Variants in SUCLA2 observed in about 807,000 individuals in gnomAD.
The protein encoded by SUCLA2 is succinate-CoA ligase ADP-forming subunit beta, also known as succinate--CoA ligase [ADP-forming] subunit beta, mitochondrial.
SUCLA2 carries 30 observed loss-of-function variants against 54.8 expected under a neutral mutation model. That is an observed-to-expected ratio of 0.55 (90% CI 0.41 to 0.74). SUCLA2 has a LOEUF of 0.74. SUCLA2 is among the 30% of genes least tolerant of loss of function. The probability of loss-of-function intolerance (pLI) is 0.00; values close to 1 mark genes in which losing one functional copy is unlikely to be tolerated. For synonymous variants in SUCLA2, 172 were observed against 188.9 expected (o/e 0.91, Z 0.74); for missense variants, 476 against 562.9 (o/e 0.85, Z 1.56).
chr13:47,967,078 C>T (rs1243663844), intron 6 of SUCLA2, among the ~76,000 whole-genome samples: 2 of 152,068 alleles, frequency 1.3e-5, no homozygotes, highest in African/African-American at 2.4e-5. Flanking sequence ...TTTGTGTTTA[C>T]AGATCATTAT....
At chr13:47,974,092 A>C (rs1949989610) in intron 4 of SUCLA2, among the ~76,000 whole-genome samples, 4 of 152,090 alleles carry the variant, frequency 2.6e-5, no homozygotes. Context: ...TATAATTAAA[A>C]AAAAAAAGAA....
At chr13:47,965,082 A>G (rs1483092425) in intron 6 of SUCLA2, among the ~76,000 whole-genome samples, 1 of 152,004 alleles carries the variant, frequency 6.6e-6, no homozygotes. Flanking sequence ...ATTAAAATGG[A>G]TAACTCATTG....
chr13:47,968,049 A>C (rs1333882342), intron 6 of SUCLA2, among the ~76,000 whole-genome samples: 1 of 152,204 alleles, frequency 6.6e-6, no homozygotes, highest in Non-Finnish European at 1.5e-5. Context: ...TAAGTGAATA[A>C]AGAAAGATGC....
At chr13:47,981,808 G>A (rs1169305261) in intron 4 of SUCLA2, among the ~76,000 whole-genome samples, 2 of 152,070 alleles carry the variant, frequency 1.3e-5, no homozygotes, top group Admixed American at 6.5e-5. Context: ...ACGAGACTCC[G>A]TCTCAAAAAA....
At chr13:47,978,121 C>T (rs1487599589) in intron 4 of SUCLA2, among the ~76,000 whole-genome samples, 1 of 152,066 alleles carries the variant, frequency 6.6e-6, no homozygotes, top group Non-Finnish European at 1.5e-5. Context: ...AATGGTATCC[C>T]ATCAAGCTAC....
intron 1 of SUCLA2, among the ~76,000 whole-genome samples, chr13:48,000,719 G>A (rs995916499): frequency 2.0e-5 from 3 of 152,126 alleles, no homozygotes; most frequent in African/African-American, 7.2e-5. Flanking sequence ...CCCACAAAAG[G>A]CAAGTCAGTA....
intron 6 of SUCLA2, among the ~76,000 whole-genome samples, chr13:47,954,884 C>T (rs1253759057): frequency 6.6e-6 from 1 of 152,020 alleles, no homozygotes; most frequent in African/African-American, 2.4e-5. Context: ...CACTTGGGCC[C>T]CATATCCCAT....
At chr13:47,966,746 T>G (rs1229569016) in intron 6 of SUCLA2, among the ~76,000 whole-genome samples, 1 of 150,448 alleles carries the variant, frequency 6.6e-6, no homozygotes, top group Non-Finnish European at 1.5e-5. Flanking sequence ...CTGGGTGTGA[T>G]GGCTCACACC....
intron 4 of SUCLA2, among the ~76,000 whole-genome samples, chr13:47,978,746 A>T (rs1950037435): frequency 6.6e-6 from 1 of 152,242 alleles, no homozygotes; most frequent in African/African-American, 2.4e-5. Flanking sequence ...ACAGAATGGG[A>T]GAAAATTTTT....
At chr13:47,973,912 G>A (rs1363089098) in intron 4 of SUCLA2, among the ~76,000 whole-genome samples, 2 of 152,110 alleles carry the variant, frequency 1.3e-5, no homozygotes, top group East Asian at 3.9e-4. Flanking sequence ...ACACAGGGAG[G>A]GGAACATCAC....
At chr13:47,950,931 AC>A (rs1245379610) in intron 8 of SUCLA2, among the ~76,000 whole-genome samples, 1 of 152,112 alleles carries the variant, frequency 6.6e-6, no homozygotes, top group Non-Finnish European at 1.5e-5. Flanking sequence ...TCTTTACCTT[AC>A]CACTATTATT....
chr13:47,977,985 A>G (rs1187793699), intron 4 of SUCLA2, among the ~76,000 whole-genome samples: 1 of 152,334 alleles, frequency 6.6e-6, no homozygotes, highest in African/African-American at 2.4e-5. Context: ...TTCAAAGAGA[A>G]CTATAAACCA....
At chr13:47,951,676 A>G (rs1407950134) in intron 8 of SUCLA2, among the ~76,000 whole-genome samples, 2 of 152,174 alleles carry the variant, frequency 1.3e-5, no homozygotes, top group Non-Finnish European at 2.9e-5. Context: ...TAAGCCTTCT[A>G]TCCCATGCAA....
At position 47,954,431 on chromosome 13, in the gene SUCLA2, T is replaced by C. The variant is rs1459135985; in HGVS notation, c.929A>G (p.Asn310Ser). ...RDKDAAKANL[N>S]YIGLDGNIGC... is the part of the protein sequence containing the mutation. Reference sequence around the variant, plus strand: ...TATATTTCCATCGAGGCCAATGTAGTTGAGATTTGCCTTAGCAGCATCTTT... The same window carrying C: ...TATATTTCCATCGAGGCCAATGTAGCTGAGATTTGCCTTAGCAGCATCTTT... Residue 310 changes from asparagine to serine, a missense_variant, in exon 7 of 11, where the codon AAC becomes AGC. By Grantham distance (46) the Asn-to-Ser change is conservative (BLOSUM62 1). Around this residue, in one of 2 missense-constraint regions of SUCLA2, gnomAD observed 342 missense variants for 444.2 expected, o/e 0.77. Transcript: ENST00000646932. 6.2e-7 allele frequency: 1 copy of C among 1,614,044 alleles called. No individual in the cohort carries two copies. The highest frequency in any genetic ancestry group is 8.5e-7 in the Non-Finnish European group (1 of 1,179,930).
At chr13:47,998,372 C>A (rs1950205770) in intron 1 of SUCLA2, among the ~76,000 whole-genome samples, 1 of 150,300 alleles carries the variant, frequency 6.7e-6, no homozygotes, top group African/African-American at 2.4e-5. Context: ...CCTTCTGACT[C>A]AGAAATCCCA....
At chr13:47,986,767 A>G (rs549127972) in intron 4 of SUCLA2, among the ~76,000 whole-genome samples, 311 of 152,094 alleles carry the variant, frequency 2.0e-3, no homozygotes, top group African/African-American at 7.2e-3. Context: ...CTGCATGGCT[A>G]GCCTGTTCTC....
intron 2 of SUCLA2, among the ~76,000 whole-genome samples, chr13:47,993,206 T>C (rs1467106066): frequency 2.6e-5 from 4 of 152,204 alleles, no homozygotes; most frequent in African/African-American, 9.6e-5. Context: ...CACTCCAGCC[T>C]GGGTGACAGA....
chr13:47,967,816 T>G (rs1949931577), intron 6 of SUCLA2, among the ~76,000 whole-genome samples: 1 of 141,154 alleles, frequency 7.1e-6, no homozygotes, highest in South Asian at 2.2e-4. Flanking sequence ...TGCACTCCAG[T>G]GTGGGCGACA....
chr13:47,994,802 GCTT>G, intron 2 of SUCLA2: 1 of 984,800 alleles, frequency 1.0e-6, no homozygotes, highest in South Asian at 4.7e-5. Context: ...CTGCCTACCT[GCTT>G]CTTATTACTT....
Sources: gnomAD v4.1 joint callset for allele counts (sites outside exome capture counted in the v4.1 genomes callset) on GRCh38, gnomAD v4.1.1 for gene constraint, gnomAD v4.1.1 regional missense constraint, MANE v1.5 for transcripts, NCBI Gene and HGNC (gene_info 2026-07-23, HGNC 2026-07-21) for gene names.